Variants in SLC9A9 observed in about 807,000 individuals in gnomAD.
SLC9A9 encodes the protein sodium/hydrogen exchanger 9.
SLC9A9 carries 62 observed loss-of-function variants against 77.8 expected under a neutral mutation model. The ratio of observed to expected loss-of-function variants is 0.80; its 90% CI spans 0.65 to 0.98. SLC9A9 has a LOEUF of 0.98. Ranked by LOEUF, SLC9A9 falls within the 50% of genes least tolerant of loss-of-function variation. SLC9A9 has a pLI of 0.00. For synonymous variants in SLC9A9, 320 were observed against 283.5 expected, an observed-to-expected ratio of 1.13 and a Z score of -1.29; for missense variants, 775 against 774.9, an observed-to-expected ratio of 1.00 and a Z score of 0.00.
At chr3:143,494,446 T>C (rs2035800406) in intron 10 of SLC9A9, among the ~76,000 whole-genome samples, 1 of 152,234 alleles carries the variant, frequency 6.6e-6, no homozygotes, top group Non-Finnish European at 1.5e-5. Context: ...TTAACTTCCT[T>C]TTAAAATCCA....
At chr3:143,494,859 T>C (rs1249073432) in intron 10 of SLC9A9, among the ~76,000 whole-genome samples, 2 of 152,250 alleles carry the variant, frequency 1.3e-5, no homozygotes, top group Non-Finnish European at 2.9e-5. Context: ...ACATGCATCA[T>C]GCTAATTTCA....
intron 12 of SLC9A9, among the ~76,000 whole-genome samples, chr3:143,445,841 G>T (rs886901869): frequency 6.6e-6 from 1 of 152,152 alleles, no homozygotes; most frequent in Non-Finnish European, 1.5e-5. Flanking sequence ...TATGTTAAAA[G>T]TTTTTGATTG....
intron 5 of SLC9A9, among the ~76,000 whole-genome samples, chr3:143,687,263 T>C (rs1933301154): frequency 6.6e-6 from 1 of 152,162 alleles, no homozygotes; most frequent in South Asian, 2.1e-4. Context: ...TAAGGCTAAA[T>C]GGGAAATAAT....
chr3:143,701,832 T>A (rs1328852903), intron 4 of SLC9A9, among the ~76,000 whole-genome samples: 1 of 152,038 alleles, frequency 6.6e-6, no homozygotes, highest in East Asian at 1.9e-4. Context: ...ACCAAGCAGA[T>A]GTAACCAAAA....
At chr3:143,759,571 C>G (rs928316159) in intron 4 of SLC9A9, among the ~76,000 whole-genome samples, 1 of 151,916 alleles carries the variant, frequency 6.6e-6, no homozygotes, top group Non-Finnish European at 1.5e-5. Context: ...GTGTCCAGAT[C>G]CTTTGAGTCC....
At chr3:143,729,099 T>C (rs964558634) in intron 4 of SLC9A9, among the ~76,000 whole-genome samples, 3 of 152,164 alleles carry the variant, frequency 2.0e-5, no homozygotes, top group African/African-American at 7.2e-5. Flanking sequence ...TTATTCCCTC[T>C]GCTTAGAACA....
At chr3:143,799,799 A>T (rs1014282248) in intron 2 of SLC9A9, among the ~76,000 whole-genome samples, 3 of 152,076 alleles carry the variant, frequency 2.0e-5, no homozygotes, top group Admixed American at 2.0e-4. Context: ...CTAGACCATC[A>T]CGAACACCGA....
chr3:143,446,714 A>G lies in SLC9A9; in HGVS notation c.1469+20323T>C, dbSNP rs577162770. 2.0e-5 allele frequency among the ~76,000 whole-genome samples: 3 copies of G among 152,294 alleles called. No homozygotes were observed. The East Asian group carries it at 5.8e-4, about 29-fold the overall frequency. On this transcript the variant is annotated intron_variant, in intron 12 of 15. Coordinates refer to ENST00000316549, the MANE Select transcript of SLC9A9 (RefSeq NM_173653.4). ...TGGGAATGCGGTGGGAGTACAAAGC[A>G]GGAAAGTACCTTAGCTGGGGCAGGA...
intron 14 of SLC9A9, among the ~76,000 whole-genome samples, chr3:143,350,801 C>A (rs903900768): frequency 2.0e-5 from 3 of 152,232 alleles, no homozygotes; most frequent in Admixed American, 1.3e-4. Context: ...GCCAGATCTT[C>A]AAACTCATTG....
chr3:143,373,528 T>C (rs933663176), intron 13 of SLC9A9, among the ~76,000 whole-genome samples: 13 of 137,730 alleles, frequency 9.4e-5, no homozygotes, highest in Non-Finnish European at 1.2e-4. Flanking sequence ...ATGGGTGCAC[T>C]AAAATCTCAG....
At chr3:143,497,935 G>T (rs2035863299) in intron 9 of SLC9A9, among the ~76,000 whole-genome samples, 1 of 152,174 alleles carries the variant, frequency 6.6e-6, no homozygotes, top group Non-Finnish European at 1.5e-5. Flanking sequence ...AAGAGGAGAA[G>T]TATATGGGAA....
chr3:143,523,623 T>C (rs981073877), intron 9 of SLC9A9, among the ~76,000 whole-genome samples: 2 of 152,138 alleles, frequency 1.3e-5, no homozygotes, highest in African/African-American at 4.8e-5. Flanking sequence ...TTATGTAAAA[T>C]TGGAGAATTT....
intron 6 of SLC9A9, among the ~76,000 whole-genome samples, chr3:143,646,804 A>G (rs1266707531): frequency 6.6e-6 from 1 of 152,206 alleles, no homozygotes; most frequent in Non-Finnish European, 1.5e-5. Flanking sequence ...CACCAATCAT[A>G]TAGGAGGGTT....
chr3:143,377,316 A>G (rs1039810860), intron 13 of SLC9A9, among the ~76,000 whole-genome samples: 1 of 152,226 alleles, frequency 6.6e-6, no homozygotes, highest in Non-Finnish European at 1.5e-5. Flanking sequence ...TTAGCAAACA[A>G]GTCTTCATTC....
At chr3:143,650,945 A>G (rs2038785837) in intron 6 of SLC9A9, among the ~76,000 whole-genome samples, 1 of 152,214 alleles carries the variant, frequency 6.6e-6, no homozygotes, top group Non-Finnish European at 1.5e-5. Context: ...TGGTCCTGAA[A>G]GCAGAAAGGC....
intron 14 of SLC9A9, among the ~76,000 whole-genome samples, chr3:143,348,345 T>C (rs1017246374): frequency 2.6e-5 from 4 of 152,330 alleles, no homozygotes; most frequent in Middle Eastern, 3.4e-3. Flanking sequence ...TTCCATTTAT[T>C]TCTTTCATTT....
At chr3:143,673,121 A>C (rs186509459) in intron 5 of SLC9A9, among the ~76,000 whole-genome samples, 1 of 152,252 alleles carries the variant, frequency 6.6e-6, no homozygotes, top group African/African-American at 2.4e-5. Flanking sequence ...AGTACAGTGT[A>C]TAGAAATGCC....
intron 4 of SLC9A9, among the ~76,000 whole-genome samples, chr3:143,710,028 T>A (rs1934096917): frequency 6.6e-6 from 1 of 152,204 alleles, no homozygotes; most frequent in African/African-American, 2.4e-5. Flanking sequence ...TCAAGTTTCA[T>A]ATCAAATATT....
chr3:143,277,544 C>T (rs777585434), intron 14 of SLC9A9, among the ~76,000 whole-genome samples: 2 of 152,146 alleles, frequency 1.3e-5, no homozygotes, highest in Non-Finnish European at 2.9e-5. Context: ...ATAACTTTTC[C>T]CTTTGGACAC....
Sources: allele counts gnomAD v4.1 joint callset (sites outside exome capture counted in the v4.1 genomes callset), GRCh38; gene constraint gnomAD v4.1.1; transcripts MANE v1.5; gene names NCBI Gene and HGNC (gene_info 2026-07-23, HGNC 2026-07-21).